The following PRKD1 variants were observed in gnomAD, a reference collection of about 807,000 sequenced individuals.
The protein encoded by PRKD1 is protein kinase D1.
In PRKD1, 63 loss-of-function variants were observed where a neutral mutation model predicts 95.9. That is an observed-to-expected ratio of 0.66 (90% CI 0.54 to 0.81). PRKD1 has a LOEUF of 0.81. Among genes scored for constraint, PRKD1 ranks in the 30% least tolerant of loss-of-function variants. PRKD1 has a pLI of 0.00. For missense variants in PRKD1, 1,048 were observed against 1,165.3 expected (o/e 0.90, Z 1.47); for synonymous variants, 425 against 423.1 (o/e 1.00, Z -0.05).
chr14:29,878,342 A>C (rs921780253), intron 1 of PRKD1, among the ~76,000 whole-genome samples: 2 of 91,460 alleles, frequency 2.2e-5, no homozygotes, highest in African/African-American at 2.2e-4. Flanking sequence ...TTCTAATGAC[A>C]AAAAAAAAAA....
intron 13 of PRKD1, among the ~76,000 whole-genome samples, chr14:29,617,356 A>G (rs1878937772): frequency 6.6e-6 from 1 of 152,182 alleles, no homozygotes; most frequent in Non-Finnish European, 1.5e-5. Flanking sequence ...GTGCCCAGCC[A>G]TTGTTCTGTT....
chr14:29,873,679 C>T (rs1042244951), intron 1 of PRKD1, among the ~76,000 whole-genome samples: 28 of 152,088 alleles, frequency 1.8e-4, no homozygotes, highest in Non-Finnish European at 3.2e-4. Flanking sequence ...TTATTTTTTT[C>T]ATCAGTAGTT....
chr14:29,707,549 A>T (rs978306339), intron 2 of PRKD1, among the ~76,000 whole-genome samples: 2 of 152,190 alleles, frequency 1.3e-5, no homozygotes, highest in Non-Finnish European at 2.9e-5. Context: ...CGAGTGGGGA[A>T]GAAACATAAA....
At chr14:29,683,993 A>T (rs1883696246) in intron 2 of PRKD1, among the ~76,000 whole-genome samples, 1 of 152,020 alleles carries the variant, frequency 6.6e-6, no homozygotes, top group African/African-American at 2.4e-5. Context: ...CAATTAACAA[A>T]CCCCTTATGC....
At chr14:29,584,756 C>G (rs959182026) in intron 16 of PRKD1, among the ~76,000 whole-genome samples, 4 of 152,174 alleles carry the variant, frequency 2.6e-5, no homozygotes, top group Non-Finnish European at 5.9e-5. Flanking sequence ...GGCATCACAA[C>G]TCTACAAAAT....
At chr14:29,731,637 A>T (rs1443190248) in intron 1 of PRKD1, among the ~76,000 whole-genome samples, 3 of 152,090 alleles carry the variant, frequency 2.0e-5, no homozygotes, top group Non-Finnish European at 4.4e-5. Flanking sequence ...TAAACAATGA[A>T]ACTTGGTACA....
chr14:29,843,312 C>T (rs1401741445), intron 1 of PRKD1, among the ~76,000 whole-genome samples: 1 of 152,180 alleles, frequency 6.6e-6, no homozygotes, highest in Non-Finnish European at 1.5e-5. Context: ...TCTTGTACTT[C>T]TAGGCTCCAG....
rs1052503578 is a variant in PRKD1 at position 29,853,531 on chromosome 14, C to A, written c.264+73718G>T. Among the ~76,000 whole-genome samples the A allele has an allele frequency of 3.3e-5, 5 of 152,204 alleles. No individual in the cohort carries two copies. In the South Asian group the frequency reaches 1.0e-3, roughly 32 times the overall value. ...AACAAACTTATCAAAGCTTATATTT[C>A]TAGACAGTGGCAGAGATGAAATCAT... On this transcript the variant is annotated intron_variant, in intron 1 of 17. Transcript: ENST00000331968.
At chr14:29,910,260 G>A (rs773029834) in intron 1 of PRKD1, among the ~76,000 whole-genome samples, 42 of 151,894 alleles carry the variant, frequency 2.8e-4, no homozygotes, top group African/African-American at 9.2e-4. Context: ...CTCCAGACGC[G>A]CCGCCTTAAG....
intron 1 of PRKD1, among the ~76,000 whole-genome samples, chr14:29,783,009 T>C (rs533082698): frequency 2.2e-4 from 34 of 152,360 alleles, no homozygotes; most frequent in South Asian, 1.0e-3. Context: ...GTTAGGAACA[T>C]TTCAAATGTT....
chr14:29,745,304 A>G (rs1477943690), intron 1 of PRKD1, among the ~76,000 whole-genome samples: 1 of 152,186 alleles, frequency 6.6e-6, no homozygotes, highest in Non-Finnish European at 1.5e-5. Context: ...TGGGTCCATT[A>G]GAGTGGGGAC....
chr14:29,821,255 C>T (rs529917045), intron 1 of PRKD1, among the ~76,000 whole-genome samples: 9 of 151,494 alleles, frequency 5.9e-5, no homozygotes, highest in African/African-American at 1.9e-4. Flanking sequence ...GAGAAGACAG[C>T]TAAGATAGAC....
At chr14:29,671,098 G>C (rs927460782) in intron 2 of PRKD1, among the ~76,000 whole-genome samples, 2 of 152,078 alleles carry the variant, frequency 1.3e-5, no homozygotes, top group African/African-American at 4.8e-5. Context: ...TATTTAGATA[G>C]GTTGACTAGG....
At chr14:29,592,186 T>C (rs941797823) in intron 16 of PRKD1, among the ~76,000 whole-genome samples, 2 of 151,980 alleles carry the variant, frequency 1.3e-5, no homozygotes, top group African/African-American at 4.8e-5. Flanking sequence ...AGGGATATAC[T>C]GGAGGATAAC....
At chr14:29,765,106 A>G (rs922128437) in intron 1 of PRKD1, among the ~76,000 whole-genome samples, 1 of 152,178 alleles carries the variant, frequency 6.6e-6, no homozygotes, top group East Asian at 1.9e-4. Context: ...GCAAATATAG[A>G]TTATCTCTGT....
At chr14:29,595,927 C>A (rs1893283075) in intron 16 of PRKD1, among the ~76,000 whole-genome samples, 1 of 152,200 alleles carries the variant, frequency 6.6e-6, no homozygotes, top group African/African-American at 2.4e-5. Context: ...GTACTGGTCA[C>A]AAGGTTATTT....
In PRKD1 at chr14:29,626,471, T is replaced by A. The variant is rs772460085; in HGVS notation, c.1798+13A>T. Reference sequence around the variant, plus strand: ...ATTTTAAGTTCATAAAAATACTCAGTGAGATAACCTACCTCCATAAACAAT... The same window carrying A: ...ATTTTAAGTTCATAAAAATACTCAGAGAGATAACCTACCTCCATAAACAAT... On this transcript the variant is annotated intron_variant, in intron 12 of 17. Coordinates refer to ENST00000331968, the MANE Select transcript of PRKD1 (RefSeq NM_002742.3). The A allele has an allele frequency of 1.9e-6, 3 of 1,595,624 alleles. No individual in the cohort carries two copies. The highest frequency in any genetic ancestry group is 2.6e-6 in the Non-Finnish European group (3 of 1,168,470).
intron 4 of PRKD1, chr14:29,657,609 G>A (rs1881949072): frequency 6.6e-6 from 1 of 152,522 alleles, no homozygotes; most frequent in Non-Finnish European, 1.5e-5. Flanking sequence ...GCTCACGGCT[G>A]TAATGCCAGC....
At chr14:29,776,332 C>T (rs1294605888) in intron 1 of PRKD1, among the ~76,000 whole-genome samples, 16 of 151,950 alleles carry the variant, frequency 1.1e-4, no homozygotes, top group African/African-American at 2.4e-4. Context: ...AGGCTTCAGA[C>T]GATCAAACTT....
Sources: allele counts gnomAD v4.1 joint callset (sites outside exome capture counted in the v4.1 genomes callset), GRCh38; gene constraint gnomAD v4.1.1; transcripts MANE v1.5; gene names NCBI Gene and HGNC (gene_info 2026-07-23, HGNC 2026-07-21).